Variants in AKAP12 observed in about 807,000 individuals in gnomAD.
AKAP12 encodes A-kinase anchoring protein 12.
Under a neutral mutation model 79.9 loss-of-function variants are expected in AKAP12, and 32 were observed. The ratio of observed to expected loss-of-function variants is 0.40; its 90% CI spans 0.30 to 0.54. The LOEUF (loss-of-function observed/expected upper bound fraction) is 0.54. Among genes scored for constraint, AKAP12 ranks in the 20% least tolerant of loss-of-function variants. The probability of loss-of-function intolerance (pLI) is 0.48; values close to 1 mark genes in which losing one functional copy is unlikely to be tolerated. For synonymous variants in AKAP12, 808 were observed against 857.0 expected, an observed-to-expected ratio of 0.94 and a Z score of 1.00; for missense variants, 2,074 against 2,177.0, an observed-to-expected ratio of 0.95 and a Z score of 0.94.
intron 2 of AKAP12, among the ~76,000 whole-genome samples, chr6:151,276,625 C>G (rs1432914509): frequency 6.6e-6 from 1 of 152,254 alleles, no homozygotes; most frequent in Admixed American, 6.5e-5. Context: ...GACGGAGCCT[C>G]CCTGAGCCTC....
chr6:151,325,615 CTGGGTGGGGGCG>C (rs1307789142), intron 3 of AKAP12: 2 of 979,672 alleles, frequency 2.0e-6, no homozygotes, highest in Non-Finnish European at 2.8e-6. Context: ...GTGTGGGTGG[CTGGGTGGGGGCG>C]TGGGTGGGGG....
chr6:151,323,595 G>A lies in AKAP12; in HGVS notation c.319+17692G>A, dbSNP rs568207241. The A allele has an allele frequency of 4.3e-5, 24 of 560,846 alleles. 1 individual carries two copies. The South Asian group carries it at 1.8e-3, about 42-fold the overall frequency. 34.7% of individuals were successfully genotyped at this position (560,846 alleles called of 1,614,324 possible). A position where few individuals can be genotyped will look rare whatever the true frequency, so the allele number is the denominator to read the frequency against. The stretch of plus-strand genomic sequence containing the variant: ...AAATCAGATGTGTTAGCGTCTTCAT[G>A]AATGTCATAAAAAGAAATGTTTCAG... On this transcript the variant is annotated intron_variant, in intron 3 of 4. Transcript: ENST00000402676.
At chr6:151,281,019 A>G (rs753119502) in intron 2 of AKAP12, among the ~76,000 whole-genome samples, 2 of 152,200 alleles carry the variant, frequency 1.3e-5, no homozygotes, top group Non-Finnish European at 2.9e-5. Context: ...ATTTACCAGT[A>G]AACACATTGG....
intron 3 of AKAP12, among the ~76,000 whole-genome samples, chr6:151,320,652 G>A (rs12207170): frequency 0.07 from 10,646 of 152,084 alleles, 517 homozygotes; most frequent in Non-Finnish European, 0.11. Flanking sequence ...TGTGGGCACC[G>A]TGACTTTGGA....
Position 151,288,212 on chromosome 6 carries a change from T to TAA in AKAP12, c.163-17523_163-17522dup, listed in dbSNP as rs71014571. Among the ~76,000 whole-genome samples the TAA allele has an allele frequency of 6.7e-4, 100 of 148,890 alleles. 2 individuals carry two copies. The highest frequency in any genetic ancestry group is 6.9e-3 in the Middle Eastern group (2 of 290). The stretch of plus-strand genomic sequence containing the variant: ...CATGTATCCCAGAACTTAAAGTATT[T>TAA]AAAAAAAAAAAAAGAATTATGGCTG... On this transcript the variant is annotated intron_variant, in intron 2 of 4. Transcript: ENST00000402676.
chr6:151,323,329 T>A (rs1047508577), intron 3 of AKAP12, among the ~76,000 whole-genome samples: 2 of 152,156 alleles, frequency 1.3e-5, no homozygotes, highest in African/African-American at 4.8e-5. Context: ...GGCGGGTGGA[T>A]CACCTGAGGT....
chr6:151,240,355 C>G (rs901706755), intron 1 of AKAP12, 29 bp from the exon 2 acceptor site: 3 of 455,914 alleles, frequency 6.6e-6, no homozygotes, highest in Non-Finnish European at 1.1e-5. Context: ...TAAGAGGTGG[C>G]CTTTTTTTTT....
At chr6:151,311,449 G>A (rs539594742) in intron 3 of AKAP12, among the ~76,000 whole-genome samples, 14 of 152,188 alleles carry the variant, frequency 9.2e-5, no homozygotes, top group Non-Finnish European at 2.1e-4. Flanking sequence ...ATCAGATAAC[G>A]GTATAGAGGC....
Position 151,351,348 on chromosome 6 carries a change from G to C in AKAP12, c.2957G>C (p.Gly986Ala), listed in dbSNP as rs779629521. 5 of 1,614,100 alleles carry C rather than the reference G, an allele frequency of 3.1e-6. No individual in the cohort carries two copies. The African/African-American group carries it at 6.7e-5, about 22-fold the overall frequency. ...GCTGCAGAAACTGCAGGGCCATTGG[G>C]TGCCGAAGAAGGAACCGAAGCATCT... is the stretch of plus-strand genomic sequence containing the variant. ...VTAAETAGPL[G>A]AEEGTEASAA... The change falls in exon 4 of 5, where the codon GGT (glycine) becomes GCT (alanine). Residue 986 changes from glycine (G) to alanine (A), a missense_variant. Coordinates refer to ENST00000402676, the MANE Select transcript of AKAP12 (RefSeq NM_005100.4). The surrounding 1 kb of genome is among the most constrained non-coding windows in gnomAD (Gnocchi z 4.4).
intron 3 of AKAP12, among the ~76,000 whole-genome samples, chr6:151,306,234 G>A (rs1290982697): frequency 6.6e-6 from 1 of 152,200 alleles, no homozygotes; most frequent in Non-Finnish European, 1.5e-5. Context: ...CCTCTAGAGA[G>A]GAGCCTGCTA....
At chr6:151,346,031 T>A (rs542399104) in intron 3 of AKAP12, among the ~76,000 whole-genome samples, 1 of 151,960 alleles carries the variant, frequency 6.6e-6, no homozygotes, top group South Asian at 2.1e-4. Flanking sequence ...ACCTGCTTTT[T>A]GCAGTCAAAT....
intron 3 of AKAP12, among the ~76,000 whole-genome samples, chr6:151,328,953 A>G (rs1346322177): frequency 3.3e-5 from 5 of 152,160 alleles, no homozygotes; most frequent in Non-Finnish European, 7.3e-5. Flanking sequence ...GTGGAAATTG[A>G]ATTATGAAAT....
intron 3 of AKAP12, chr6:151,344,004 C>CT: frequency 2.3e-6 from 1 of 426,128 alleles, no homozygotes; most frequent in Non-Finnish European, 4.4e-6. Flanking sequence ...GATGTCTGGA[C>CT]TTTCTCTTTG....
chr6:151,248,837 A>C (rs773403740), intron 2 of AKAP12, among the ~76,000 whole-genome samples: 3 of 152,032 alleles, frequency 2.0e-5, no homozygotes, highest in Non-Finnish European at 2.9e-5. Flanking sequence ...AAAATACAAA[A>C]ATTAGCCAGT....
intron 2 of AKAP12, among the ~76,000 whole-genome samples, chr6:151,256,671 A>T (rs1797303740): frequency 6.6e-6 from 1 of 151,534 alleles, no homozygotes; most frequent in Non-Finnish European, 1.5e-5. Context: ...TCTTTTTTAG[A>T]TGAAGTCTCA....
At chr6:151,308,508 C>G (rs1411277858) in intron 3 of AKAP12, among the ~76,000 whole-genome samples, 3 of 152,074 alleles carry the variant, frequency 2.0e-5, no homozygotes, top group Non-Finnish European at 4.4e-5. Flanking sequence ...CCACCGTGAC[C>G]AGCCAATTAA....
At chr6:151,326,007 T>C in intron 3 of AKAP12, 1 of 1,306,760 alleles carries the variant, frequency 7.7e-7, no homozygotes, top group Non-Finnish European at 1.1e-6. Context: ...GCGGGACCGT[T>C]ATTGGCATTT....
chr6:151,244,445 A>G (rs984860503), intron 2 of AKAP12, among the ~76,000 whole-genome samples: 1 of 152,166 alleles, frequency 6.6e-6, no homozygotes, highest in Non-Finnish European at 1.5e-5. Flanking sequence ...AATGGCGTGA[A>G]CTCGGGAAGC....
At chr6:151,266,528 A>G (rs1484592644) in intron 2 of AKAP12, among the ~76,000 whole-genome samples, 1 of 152,238 alleles carries the variant, frequency 6.6e-6, no homozygotes, top group Non-Finnish European at 1.5e-5. Context: ...AAATGCATCA[A>G]TTCCTGTGCA....
Sources: gnomAD v4.1 joint callset for allele counts (sites outside exome capture counted in the v4.1 genomes callset) on GRCh38, gnomAD v4.1.1 for gene constraint, Gnocchi (gnomAD v3.1) non-coding constraint, MANE v1.5 for transcripts, NCBI Gene and HGNC (gene_info 2026-07-23, HGNC 2026-07-21) for gene names.